RAB15: variants seen among roughly 807,000 people sequenced by gnomAD.
RAB15 encodes ras-related protein Rab-15.
Under a neutral mutation model 31.8 loss-of-function variants are expected in RAB15, and 13 were observed. That is an observed-to-expected ratio of 0.41 (90% CI 0.27 to 0.65). The LOEUF is 0.65. RAB15 is among the 30% of genes least tolerant of loss of function. The pLI is 0.32. For synonymous variants in RAB15, 100 were observed against 105.6 expected (o/e 0.95, Z 0.33); for missense variants, 220 against 277.3 (o/e 0.79, Z 1.47).
chr14:64,966,693 G>C (rs1021818025), intron 1 of RAB15, among the ~76,000 whole-genome samples: 1 of 152,120 alleles, frequency 6.6e-6, no homozygotes, highest in African/African-American at 2.4e-5. Flanking sequence ...ATGCAGAAAC[G>C]AAGCACAAAG....
intron 1 of RAB15, among the ~76,000 whole-genome samples, chr14:64,964,518 C>CAAAAAAA (rs1257040368): frequency 2.8e-5 from 2 of 71,868 alleles, no homozygotes; most frequent in South Asian, 4.6e-4. Context: ...GACTCTGTTT[C>CAAAAAAA]AAAAAAAAAA....
chr14:64,966,528 A>AAAAT (rs1048860713), intron 1 of RAB15, among the ~76,000 whole-genome samples: 16 of 151,386 alleles, frequency 1.1e-4, no homozygotes, highest in South Asian at 4.1e-4. Flanking sequence ...GTCTCAAAAA[A>AAAAT]AAATAAATAA....
chr14:64,971,269 C>T lies in RAB15; in HGVS notation c.124+684G>A, dbSNP rs534311096. Among the ~76,000 whole-genome samples the T allele has an allele frequency of 2.0e-5, 3 of 152,210 alleles. No individual in the cohort carries two copies. The highest frequency in any genetic ancestry group is 2.9e-5 in the Non-Finnish European group (2 of 68,034). On this transcript the variant is annotated intron_variant, in intron 1 of 6. Coordinates refer to ENST00000533601, the MANE Select transcript of RAB15 (RefSeq NM_001308154.2). This position sits in a 1 kb window ranked among gnomAD's most constrained non-coding sequence, Gnocchi z 4.1. ...AGCACTGCCAGATGAGAGATGCCCT[C>T]AGGCGGGTCCTGCCTGCCTTCTGAC...
At chr14:64,969,418 AAC>A (rs1203685157) in intron 1 of RAB15, among the ~76,000 whole-genome samples, 6 of 152,218 alleles carry the variant, frequency 3.9e-5, no homozygotes, top group African/African-American at 1.2e-4. Flanking sequence ...AATGCTGAAA[AAC>A]ACGCCCAAGA....
At chr14:64,949,301 A>G (rs1439719197) in intron 5 of RAB15, among the ~76,000 whole-genome samples, 1 of 152,238 alleles carries the variant, frequency 6.6e-6, no homozygotes. Context: ...AAATTGGTCA[A>G]TGACCATGTC....
chr14:64,952,384 C>T lies in RAB15; in HGVS notation c.185+127G>A. The T allele has an allele frequency of 1.4e-6, 1 of 693,292 alleles. No homozygotes were observed. The highest frequency in any genetic ancestry group is 2.5e-6 in the Non-Finnish European group (1 of 396,006). 42.9% of individuals were successfully genotyped at this position (693,292 alleles called of 1,614,324 possible). A position where few individuals can be genotyped will look rare whatever the true frequency, so the allele number is the denominator to read the frequency against. On this transcript the variant is annotated intron_variant, in intron 2 of 6. Coordinates refer to ENST00000533601, the MANE Select transcript of RAB15 (RefSeq NM_001308154.2). The surrounding 1 kb of genome is among the most constrained non-coding windows in gnomAD (Gnocchi z 4.2). ...GAGATGGGCTTCTGAGACTTCGCTT[C>T]CATCCATCAGAGAGGTGGCCAGTTA...
rs4902349 is a variant in RAB15, at chr14:64,955,622, C to T, written c.125-3051G>A. On this transcript the variant is annotated intron_variant, in intron 1 of 6. Coordinates refer to ENST00000533601, the MANE Select transcript of RAB15 (RefSeq NM_001308154.2). The surrounding 1 kb of genome is among the most constrained non-coding windows in gnomAD (Gnocchi z 4.4). ...AGGGCACCCCCTCCCCACCCCTGTG[C>T]TCTCAGCAGGATACCTTCTCCACTG... 0.096 allele frequency among the ~76,000 whole-genome samples: 14,593 copies of T among 152,266 alleles called. 839 individuals are homozygous for T. Among genetic ancestry groups the T allele is most frequent in the Non-Finnish European group, 0.12 (8,419 of 68,000 alleles).
chr14:64,971,928 G>A lies in RAB15; in HGVS notation c.124+25C>T. On this transcript the variant is annotated intron_variant, in intron 1 of 6. Coordinates refer to ENST00000533601, the MANE Select transcript of RAB15 (RefSeq NM_001308154.2). The surrounding 1 kb of genome is among the most constrained non-coding windows in gnomAD (Gnocchi z 4.1). ...AAGGGGCCGCGGGCGGGGAGGGAGG[G>A]GCGCCCCGGGCCACCGCCCCTTACC... 1 of 1,546,444 alleles carries A rather than the reference G, an allele frequency of 6.5e-7. No individual in the cohort carries two copies. The highest frequency in any genetic ancestry group is 2.0e-5 in the Admixed American group (1 of 51,008).
chr14:64,954,359 A>T lies in RAB15; in HGVS notation c.125-1788T>A. ...TGTTTCTCCCCAGTACCTGGCATAG[A>T]AGGGAATCAAGACATTCTTGTTTCA... On this transcript the variant is annotated intron_variant, in intron 1 of 6. Transcript: ENST00000533601. The surrounding 1 kb of genome is among the most constrained non-coding windows in gnomAD (Gnocchi z 4.3). 1 of 985,328 alleles carries T rather than the reference A, an allele frequency of 1.0e-6. No homozygotes were observed. Among genetic ancestry groups the T allele is most frequent in the Non-Finnish European group, 1.2e-6 (1 of 829,852 alleles). The allele number at this position is 985,328 out of a possible 1,614,324, so 61.0% of individuals were successfully genotyped here.
rs1346352856 is a variant in RAB15 at position 64,954,108 on chromosome 14, G to A, written c.125-1537C>T. ...AAAAAAGATGCAGAACGGGCAACCT[G>A]AACTAAATCGATTTGGTCAGACGTG... On this transcript the variant is annotated intron_variant, in intron 1 of 6. Transcript: ENST00000533601. This position sits in a 1 kb window ranked among gnomAD's most constrained non-coding sequence, Gnocchi z 4.3. 1 of 985,300 alleles carries A rather than the reference G, an allele frequency of 1.0e-6. No individual in the cohort carries two copies. The highest frequency in any genetic ancestry group is 1.2e-6 in the Non-Finnish European group (1 of 829,932). 61.0% of individuals were successfully genotyped at this position (985,300 alleles called of 1,614,324 possible). A position where few individuals can be genotyped will look rare whatever the true frequency, so the allele number is the denominator to read the frequency against.
At chr14:64,969,157 G>A (rs11846925) in intron 1 of RAB15, among the ~76,000 whole-genome samples, 85,214 of 152,106 alleles carry the variant, frequency 0.56, 27,517 homozygotes, top group African/African-American at 0.89. Flanking sequence ...TGTGTTTTAG[G>A]TAATGCACAA....
rs1886210169 is a variant in RAB15, at chr14:64,950,894, A to C, written c.324+180T>G. 1 of 1,292,974 alleles carries C rather than the reference A, an allele frequency of 7.7e-7. No individual in the cohort carries two copies. The highest frequency in any genetic ancestry group is 1.1e-6 in the Non-Finnish European group (1 of 903,082). 80.1% of individuals were successfully genotyped at this position (1,292,974 alleles called of 1,614,324 possible). A position where few individuals can be genotyped will look rare whatever the true frequency, so the allele number is the denominator to read the frequency against. ...CAGCCGTGGAGGCCTGGCAGGGTATAGAGAGTGAGGGCATGGCAGCTTCGG... is the reference window on the plus strand; with the variant it reads ...CAGCCGTGGAGGCCTGGCAGGGTATCGAGAGTGAGGGCATGGCAGCTTCGG... On this transcript the variant is annotated intron_variant, in intron 4 of 6. Coordinates refer to ENST00000533601, the MANE Select transcript of RAB15 (RefSeq NM_001308154.2). The surrounding 1 kb of genome is among the most constrained non-coding windows in gnomAD (Gnocchi z 5.6).
rs1490764848 is a variant in RAB15 at position 64,953,135 on chromosome 14, G to A, written c.125-564C>T. On this transcript the variant is annotated intron_variant, in intron 1 of 6. Transcript: ENST00000533601. This position sits in a 1 kb window ranked among gnomAD's most constrained non-coding sequence, Gnocchi z 4.6. Reference sequence around the variant, plus strand: ...GCTCACCAAAAAGAAGGCCTCATGCGTCTTGGTTGCTGACTCACTCATTCA... The same window carrying A: ...GCTCACCAAAAAGAAGGCCTCATGCATCTTGGTTGCTGACTCACTCATTCA... Among the ~76,000 whole-genome samples, 11 of 152,190 alleles carry A rather than the reference G, an allele frequency of 7.2e-5. No individual in the cohort carries two copies. Among genetic ancestry groups the A allele is most frequent in the Non-Finnish European group, 1.0e-4 (7 of 68,040 alleles).
At position 64,954,511 on chromosome 14, in the gene RAB15, G is replaced by A. The variant is rs1351061146; in HGVS notation, c.125-1940C>T. 16 of 985,294 alleles carry A rather than the reference G, an allele frequency of 1.6e-5. No homozygotes were observed. The highest frequency in any genetic ancestry group is 1.8e-5 in the Non-Finnish European group (15 of 829,926). The allele number at this position is 985,294 out of a possible 1,614,324, so 61.0% of individuals were successfully genotyped here. A position where few individuals can be genotyped will look rare whatever the true frequency, so the allele number is the denominator to read the frequency against. On this transcript the variant is annotated intron_variant, in intron 1 of 6. Transcript: ENST00000533601. The surrounding 1 kb of genome is among the most constrained non-coding windows in gnomAD (Gnocchi z 4.3). Reference sequence around the variant, plus strand: ...GCCTTGTGCAAAGCCATCACAAGGGGGACAGGAAGAGAGAAGGTTTTATTT... The same window carrying A: ...GCCTTGTGCAAAGCCATCACAAGGGAGACAGGAAGAGAGAAGGTTTTATTT...
At chr14:64,964,785 C>T (rs929565506) in intron 1 of RAB15, among the ~76,000 whole-genome samples, 8 of 151,916 alleles carry the variant, frequency 5.3e-5, no homozygotes, top group Non-Finnish European at 8.8e-5. Context: ...CTATGTTGGC[C>T]GGGCTGGTCT....
At position 64,951,634 on chromosome 14, in the gene RAB15, G is replaced by A. The variant is rs1007476459; in HGVS notation, c.215C>T (p.Thr72Ile). Reference sequence around the variant, plus strand: ...CCGCCGATAGTACTGCTTTGTGATGGTCTGGTATCTCTCCTGCCCTGCAGT... The same window carrying A: ...CCGCCGATAGTACTGCTTTGTGATGATCTGGTATCTCTCCTGCCCTGCAGT... Reference protein sequence around the residue: ...WDTAGQERYQTITKQYYRRAQ... With the variant: ...WDTAGQERYQIITKQYYRRAQ... Residue 72 changes from threonine (T) to isoleucine (I), a missense_variant, in exon 3 of 7, where the codon ACC (threonine) becomes ATC (isoleucine). By Grantham distance (89) the Thr-to-Ile change is moderately conservative. Coordinates refer to ENST00000533601, the MANE Select transcript of RAB15 (RefSeq NM_001308154.2). This position sits in a 1 kb window ranked among gnomAD's most constrained non-coding sequence, Gnocchi z 7.2. 1 of 1,614,218 alleles carries A rather than the reference G, an allele frequency of 6.2e-7. No individual in the cohort carries two copies. The highest frequency in any genetic ancestry group is 8.5e-7 in the Non-Finnish European group (1 of 1,180,028).
intron 1 of RAB15, among the ~76,000 whole-genome samples, chr14:64,959,712 C>G (rs1016607005): frequency 6.6e-6 from 1 of 151,436 alleles, no homozygotes; most frequent in Non-Finnish European, 1.5e-5. Context: ...AAACAAAAAA[C>G]AAAAAACAAA....
Position 64,948,839 on chromosome 14 carries a change from G to T in RAB15, c.415-106C>A. 1 of 982,566 alleles carries T rather than the reference G, an allele frequency of 1.0e-6. No homozygotes were observed. The allele number at this position is 982,566 out of a possible 1,614,324, so 60.9% of individuals were successfully genotyped here. The stretch of plus-strand genomic sequence containing the variant: ...TGCACTCACAACCATGCTGTGTTGT[G>T]ACGATTTCTCAGAGTAGATAATTTC... On this transcript the variant is annotated intron_variant, in intron 5 of 6. Transcript: ENST00000533601. This position sits in a 1 kb window ranked among gnomAD's most constrained non-coding sequence, Gnocchi z 7.0.
At chr14:64,965,550 C>T (rs1455923241) in intron 1 of RAB15, among the ~76,000 whole-genome samples, 1 of 152,150 alleles carries the variant, frequency 6.6e-6, no homozygotes, top group Non-Finnish European at 1.5e-5. Context: ...CTGTGTTCCC[C>T]TTGACAAAGC....
Sources: gnomAD v4.1 joint callset for allele counts (sites outside exome capture counted in the v4.1 genomes callset) on GRCh38, gnomAD v4.1.1 for gene constraint, Gnocchi (gnomAD v3.1) non-coding constraint, MANE v1.5 for transcripts, NCBI Gene and HGNC (gene_info 2026-07-23, HGNC 2026-07-21) for gene names.